The following USP36 variants were observed in gnomAD, a reference collection of about 807,000 sequenced individuals.
USP36 encodes the protein ubiquitin specific peptidase 36.
A neutral mutation model predicts 111.5 loss-of-function variants in USP36; 59 were observed. The ratio of observed to expected loss-of-function variants is 0.53; its 90% CI spans 0.43 to 0.66. The LOEUF (loss-of-function observed/expected upper bound fraction) is 0.66, where lower values mean the gene tolerates loss of function less well. USP36 is among the 30% of genes least tolerant of loss of function. USP36 has a pLI of 0.00. For synonymous variants in USP36, 628 were observed against 581.0 expected (o/e 1.08, Z -1.16); for missense variants, 1,488 against 1,468.0 (o/e 1.01, Z -0.22).
downstream of USP36, among the ~76,000 whole-genome samples, chr17:78,792,753 C>G (rs992004288): frequency 2.0e-5 from 3 of 152,080 alleles, no homozygotes; most frequent in African/African-American, 7.2e-5. Context: ...GAGTCTCACT[C>G]TGTCGCCCAG....
Position 78,803,918 on chromosome 17 carries a change from G to T in USP36, c.2277C>A (p.Pro759=). The T allele has an allele frequency of 6.2e-7, 1 of 1,608,614 alleles. No homozygotes were observed. Residue 759 remains proline, a synonymous_variant, in exon 16 of 21, where the codon CCC becomes CCA. Transcript: ENST00000449938. This position sits in a 1 kb window ranked among gnomAD's most constrained non-coding sequence, Gnocchi z 4.6. ...GCTTGGGGGTACTGGACAGCAATGTGGGGTGGGGGCTGAAGGGGGGTTGCA... is the reference window on the plus strand; with the variant it reads ...GCTTGGGGGTACTGGACAGCAATGTTGGGTGGGGGCTGAAGGGGGGTTGCA... ...SRLQPPFSPH[P]TLLSSTPKPP...
chr17:78,807,381 C>G lies in USP36; in HGVS notation c.1663G>C (p.Gly555Arg), dbSNP rs767426729. ...CTGCTGCTATTCGAGTTGCTGGTCCCAGGCAGCCCCTGAGCAGTTCTGGGG... is the reference window on the plus strand; with the variant it reads ...CTGCTGCTATTCGAGTTGCTGGTCCGAGGCAGCCCCTGAGCAGTTCTGGGG... ...FSPRTAQGLP[G>R]TSNSNSSRSG... Residue 555 changes from glycine to arginine, a missense_variant, in exon 14 of 21, where the codon GGG (glycine) becomes CGG (arginine). This residue lies in a region of USP36 where 1,073 missense variants were observed against 994.1 expected (regional missense o/e 1.08). Transcript: ENST00000449938. 6.2e-7 allele frequency: 1 copy of G among 1,614,212 alleles called. No homozygotes were observed. Among genetic ancestry groups the G allele is most frequent in the Non-Finnish European group, 8.5e-7 (1 of 1,180,034 alleles).
intron 6 of USP36, 39 bp downstream of exon 6, chr17:78,827,206 T>C: frequency 1.5e-6 from 2 of 1,308,288 alleles, no homozygotes; most frequent in Non-Finnish European, 2.0e-6. Flanking sequence ...GTAGAAAAGG[T>C]GTCCAAAGCC....
At chr17:78,790,386 G>A (rs972088163) in intron 3 of USP36, among the ~76,000 whole-genome samples, 2 of 152,174 alleles carry the variant, frequency 1.3e-5, no homozygotes, top group Non-Finnish European at 2.9e-5. Context: ...CACCTCCTGG[G>A]TTCAAGTGAT....
chr17:78,827,260 A>C lies in USP36; in HGVS notation c.674T>G (p.Leu225Arg). Residue 225 changes from leucine (L) to arginine (R), a missense_variant, in exon 6 of 21, where the codon CTG becomes CGG. Coordinates refer to ENST00000449938, the MANE Select transcript of USP36 (RefSeq NM_001385174.1). ...YTIDAMQKACLNGCAKLDRQT... is the reference protein window; with the variant it reads ...YTIDAMQKACRNGCAKLDRQT... ...AAGCACGCACTTGGCACAGCCATTC[A>C]GGCAGGCTTTCTGCATGGCGTCGAT... is the stretch of plus-strand genomic sequence containing the variant. 6.2e-7 allele frequency: 1 copy of C among 1,613,690 alleles called. No homozygotes were observed. Among genetic ancestry groups the C allele is most frequent in the East Asian group, 2.2e-5 (1 of 44,870 alleles).
chr17:78,808,171 G>C (rs1029633644), intron 13 of USP36, among the ~76,000 whole-genome samples: 5 of 152,122 alleles, frequency 3.3e-5, no homozygotes, highest in Non-Finnish European at 7.3e-5. Context: ...TCTTCCAAAT[G>C]GTTCTGGCCT....
intron 17 of USP36, among the ~76,000 whole-genome samples, chr17:78,801,751 C>G (rs2093748934): frequency 6.6e-6 from 1 of 152,198 alleles, no homozygotes; most frequent in African/African-American, 2.4e-5. Flanking sequence ...TCAACCATCA[C>G]AGAAAAAAAC....
intron 3 of USP36, among the ~76,000 whole-genome samples, chr17:78,789,130 G>T (rs1406217817): frequency 6.8e-6 from 1 of 147,868 alleles, no homozygotes; most frequent in Non-Finnish European, 1.5e-5. Flanking sequence ...CTGGGAGGCA[G>T]AGGTTGCAGT....
At chr17:78,805,939 C>T (rs1166959004) in intron 15 of USP36, among the ~76,000 whole-genome samples, 1 of 152,214 alleles carries the variant, frequency 6.6e-6, no homozygotes, top group Non-Finnish European at 1.5e-5. Context: ...ATCAGGACTG[C>T]AGAGGCCGAA....
chr17:78,799,877 CTTTTTTTTTTTTT>C lies in USP36; in HGVS notation c.3023-122_3023-110del, dbSNP rs549964435. 40 of 155,596 alleles carry C rather than the reference CTTTTTTTTTTTTT, an allele frequency of 2.6e-4. 1 individual carries two copies. The highest frequency in any genetic ancestry group is 6.2e-4 in the East Asian group (3 of 4,838). The allele number at this position is 155,596 out of a possible 1,614,324, so 9.6% of individuals were successfully genotyped here. ...CAACTTACAGTAAGTGGATGCTTGC[CTTTTTTTTTTTTT>C]TTTTTTTTTTTTTTTAAAGACAGGG... On this transcript the variant is annotated intron_variant, in intron 17 of 20. Coordinates refer to ENST00000449938, the MANE Select transcript of USP36 (RefSeq NM_001385174.1).
intron 6 of USP36, among the ~76,000 whole-genome samples, chr17:78,826,212 T>C (rs979487627): frequency 9.9e-5 from 15 of 152,154 alleles, no homozygotes; most frequent in African/African-American, 3.6e-4. Context: ...GCAGTGAAAG[T>C]TGCCTTCATA....
chr17:78,815,921 CACAT>C lies in USP36; in HGVS notation c.1024-1373_1024-1370del, dbSNP rs935111295. On this transcript the variant is annotated intron_variant, in intron 10 of 20. Transcript: ENST00000449938. Reference sequence around the variant, plus strand: ...ACATGCACGCACACATGCATACGCACACATACACACACATATACACACATGCATG... The same window carrying C: ...ACATGCACGCACACATGCATACGCACACACACACATATACACACATGCATG... Among the ~76,000 whole-genome samples, 7 of 151,962 alleles carry C rather than the reference CACAT, an allele frequency of 4.6e-5. No homozygotes were observed. The South Asian group carries it at 6.2e-4, about 14-fold the overall frequency.
chr17:78,791,583 C>G (rs1333769609), downstream of USP36, among the ~76,000 whole-genome samples: 6 of 152,184 alleles, frequency 3.9e-5, no homozygotes, highest in East Asian at 5.8e-4. Context: ...TTTTTAATCT[C>G]AGGCCCCTCT....
rs147090135 is a variant in USP36 at position 78,838,246 on chromosome 17, G to A, written c.-10+341C>T. Among the ~76,000 whole-genome samples, 804 of 151,766 alleles carry A rather than the reference G, an allele frequency of 5.3e-3. 7 individuals are homozygous for A. The highest frequency in any genetic ancestry group is 0.018 in the African/African-American group (745 of 41,374). ...AAACTAGCCAGGCATGGTGGCAGGC[G>A]CCTGTAATCCCAGCTACGCAGGAGG... On this transcript the variant is annotated intron_variant, in intron 2 of 20. Transcript: ENST00000449938.
chr17:78,813,780 A>G lies in USP36; in HGVS notation c.1258T>C (p.Tyr420His). The G allele has an allele frequency of 6.2e-7, 1 of 1,613,994 alleles. No individual in the cohort carries two copies. The highest frequency in any genetic ancestry group is 8.5e-7 in the Non-Finnish European group (1 of 1,179,890). Reference protein sequence around the residue: ...VLNQQAYVLFYLRIPGSKKSP... With the variant: ...VLNQQAYVLFHLRIPGSKKSP... ...AGGGCGTGAGTTTATTACCGCAGAT[A>G]GAACAGCACGTAGGCCTGCTGGTTC... The change falls in exon 12 of 21, where the codon TAT (tyrosine) becomes CAT (histidine). Residue 420 changes from tyrosine to histidine, a missense_variant. Physicochemically the swap from Tyr to His is moderately conservative, Grantham distance 83. This residue lies in a region of USP36 where 1,073 missense variants were observed against 994.1 expected (regional missense o/e 1.08). Transcript: ENST00000449938.
Position 78,798,659 on chromosome 17 carries a change from T to A in USP36, c.3241-108A>T, listed in dbSNP as rs1252588672. On this transcript the variant is annotated intron_variant, in intron 19 of 20. Transcript: ENST00000449938. The surrounding 1 kb of genome is among the most constrained non-coding windows in gnomAD (Gnocchi z 5.1). ...GCACACAGGCCGGGCTCTCATGAGC[T>A]CTCTGGAGACCCACTCTTCACAATG... 1 of 1,526,632 alleles carries A rather than the reference T, an allele frequency of 6.6e-7. No homozygotes were observed. The highest frequency in any genetic ancestry group is 8.9e-7 in the Non-Finnish European group (1 of 1,127,254). The allele number at this position is 1,526,632 out of a possible 1,614,324, so 94.6% of individuals were successfully genotyped here.
downstream of USP36, among the ~76,000 whole-genome samples, chr17:78,793,945 G>GA (rs1260822632): frequency 1.2e-3 from 189 of 152,220 alleles, 1 homozygote; most frequent in Non-Finnish European, 3.1e-4. Flanking sequence ...AAGTCAGATT[G>GA]AATCTCTCAC....
At chr17:78,802,074 G>A (rs865794758) in intron 17 of USP36, among the ~76,000 whole-genome samples, 5 of 150,198 alleles carry the variant, frequency 3.3e-5, no homozygotes, top group South Asian at 2.1e-4. Context: ...CCCCTCACCC[G>A]GTGCACACCC....
At chr17:78,821,901 C>T in intron 7 of USP36, 36 bp downstream of exon 7, 1 of 1,612,492 alleles carries the variant, frequency 6.2e-7, no homozygotes, top group Non-Finnish European at 8.5e-7. Flanking sequence ...TGTTCTAATC[C>T]TGGCAAGAAG....
Sources: allele counts gnomAD v4.1 joint callset (sites outside exome capture counted in the v4.1 genomes callset), GRCh38; gene constraint gnomAD v4.1.1; regional missense constraint gnomAD v4.1.1; non-coding constraint Gnocchi (gnomAD v3.1); transcripts MANE v1.5; gene names NCBI Gene and HGNC (gene_info 2026-07-23, HGNC 2026-07-21).